Variants in SCN11A observed in about 807,000 individuals in gnomAD.
SCN11A encodes sodium channel protein type 11 subunit alpha.
Under a neutral mutation model 162.2 loss-of-function variants are expected in SCN11A, and 122 were observed. The observed-to-expected ratio is 0.75, with a 90% CI of 0.65 to 0.87. SCN11A has a LOEUF of 0.87. Ranked by LOEUF, SCN11A falls within the 40% of genes least tolerant of loss-of-function variation. The pLI, the probability that SCN11A is intolerant of heterozygous loss-of-function variation, is 0.00. For synonymous variants in SCN11A, 758 were observed against 751.5 expected, an observed-to-expected ratio of 1.01 and a Z score of -0.14; for missense variants, 2,015 against 2,181.6, an observed-to-expected ratio of 0.92 and a Z score of 1.52.
intron 2 of SCN11A, among the ~76,000 whole-genome samples, chr3:39,012,400 C>A (rs2031166299): frequency 6.7e-6 from 1 of 149,724 alleles, no homozygotes; most frequent in African/African-American, 2.5e-5. Context: ...TCCTTCCTTA[C>A]TTCCTTCCTT....
intron 29 of SCN11A, 150 bp from the exon 30 acceptor site, chr3:38,847,892 C>A: frequency 1.7e-6 from 1 of 581,858 alleles, no homozygotes; most frequent in Admixed American, 3.0e-5. Flanking sequence ...TTACCACTAT[C>A]AGGGAAAATA....
At position 38,897,034 on chromosome 3, in the gene SCN11A, C is replaced by T. The variant is rs372596394; in HGVS notation, c.2214G>A (p.Pro738=). The T allele has an allele frequency of 1.3e-5, 21 of 1,613,924 alleles. No homozygotes were observed. Among genetic ancestry groups the T allele is most frequent in the African/African-American group, 1.2e-4 (9 of 74,892 alleles). ...GTAAACATGAGACTGTCGGGCCTGT[C>T]GGGTTACAGAGTTTTGGACTCTTTT... ...NSQKSPKLCN[P]TGPTVSCLRH... Residue 738 remains proline, a synonymous_variant, in exon 18 of 30, where the codon CCG becomes CCA. Transcript: ENST00000302328.
chr3:38,871,928 G>A (rs1056892290), intron 24 of SCN11A, among the ~76,000 whole-genome samples: 6 of 152,128 alleles, frequency 3.9e-5, no homozygotes, highest in African/African-American at 1.4e-4. Context: ...AAGTGCCCTG[G>A]TGATGACAGT....
At chr3:39,047,293 T>C (rs2032208616) in intron 1 of SCN11A, among the ~76,000 whole-genome samples, 1 of 151,800 alleles carries the variant, frequency 6.6e-6, no homozygotes, top group Non-Finnish European at 1.5e-5. Context: ...GCCTGTTCAA[T>C]AAATGGTGCT....
chr3:38,859,760 A>G (rs2064932788), intron 28 of SCN11A, among the ~76,000 whole-genome samples: 1 of 152,224 alleles, frequency 6.6e-6, no homozygotes, highest in South Asian at 2.1e-4. Context: ...GAAGGAATTC[A>G]GTTCATGGCT....
At chr3:39,017,760 G>T (rs983468344) in intron 2 of SCN11A, among the ~76,000 whole-genome samples, 1 of 151,916 alleles carries the variant, frequency 6.6e-6, no homozygotes, top group African/African-American at 2.4e-5. Context: ...GTGAACATAT[G>T]CATATAGTTA....
chr3:38,859,395 A>G (rs1343411342), intron 28 of SCN11A, among the ~76,000 whole-genome samples: 1 of 152,118 alleles, frequency 6.6e-6, no homozygotes, highest in African/African-American at 2.4e-5. Flanking sequence ...AAACACATAC[A>G]TGCACAAATT....
At position 38,888,306 on chromosome 3, in the gene SCN11A, C is replaced by A. The variant is rs528454696; in HGVS notation, c.2836-2068G>T. Among the ~76,000 whole-genome samples the A allele has an allele frequency of 2.6e-5, 4 of 152,308 alleles. No individual in the cohort carries two copies. The South Asian group carries it at 8.3e-4, about 32-fold the overall frequency. On this transcript the variant is annotated intron_variant, in intron 19 of 29. Coordinates refer to ENST00000302328, the MANE Select transcript of SCN11A (RefSeq NM_001349253.2). ...GACTTGTATCATTATTAGACAACAA[C>A]CCAAAGCTGGTGATAGAAGACATGG...
At chr3:38,872,712 G>A (rs2065149490) in intron 23 of SCN11A, among the ~76,000 whole-genome samples, 1 of 152,110 alleles carries the variant, frequency 6.6e-6, no homozygotes, top group Non-Finnish European at 1.5e-5. Context: ...TCACTGTATT[G>A]TAATCATGTG....
chr3:38,981,902 A>G (rs2030072057), intron 2 of SCN11A, among the ~76,000 whole-genome samples: 1 of 151,712 alleles, frequency 6.6e-6, no homozygotes, highest in Non-Finnish European at 1.5e-5. Flanking sequence ...TACTCAGGAG[A>G]CTGAGACATG....
At chr3:38,978,540 G>T (rs1400282720) in intron 2 of SCN11A, among the ~76,000 whole-genome samples, 1 of 152,050 alleles carries the variant, frequency 6.6e-6, no homozygotes, top group Non-Finnish European at 1.5e-5. Flanking sequence ...CAGCTACTCG[G>T]GAGGCTGAGG....
chr3:38,994,772 C>A (rs1284253623), intron 2 of SCN11A, among the ~76,000 whole-genome samples: 1 of 152,108 alleles, frequency 6.6e-6, no homozygotes, highest in East Asian at 1.9e-4. Flanking sequence ...ACTTGGCCCA[C>A]AAGATCCACC....
chr3:38,924,704 T>C (rs1481482340), intron 9 of SCN11A, among the ~76,000 whole-genome samples: 2 of 151,984 alleles, frequency 1.3e-5, no homozygotes, highest in African/African-American at 4.8e-5. Context: ...AGACGAGGCT[T>C]TTCCATATTG....
At position 38,904,054 on chromosome 3, in the gene SCN11A, T is replaced by G. The variant is rs746141724; in HGVS notation, c.1653A>C (p.Ala551=). ...AACAGTTCCACACGAGGTACTTGGA[T>G]GCCAGGTTTTCTCCACAAGGGAGAC... ...EPCLPCGENL[A]SKYLVWNCCP... is the part of the protein sequence containing the mutation. Residue 551 remains alanine (A), a synonymous_variant, in exon 16 of 30, where the codon GCA becomes GCC. Coordinates refer to ENST00000302328, the MANE Select transcript of SCN11A (RefSeq NM_001349253.2). The G allele has an allele frequency of 6.2e-7, 1 of 1,601,846 alleles. No individual in the cohort carries two copies. Among genetic ancestry groups the G allele is most frequent in the East Asian group, 2.2e-5 (1 of 44,680 alleles).
chr3:38,899,182 T>C (rs2065654870), intron 17 of SCN11A, among the ~76,000 whole-genome samples: 2 of 152,180 alleles, frequency 1.3e-5, no homozygotes, highest in South Asian at 4.1e-4. Flanking sequence ...CTTCTCAGAT[T>C]GGATTTCTCT....
chr3:39,047,719 C>G (rs1382673687), intron 1 of SCN11A, among the ~76,000 whole-genome samples: 1 of 151,882 alleles, frequency 6.6e-6, no homozygotes, highest in African/African-American at 2.4e-5. Flanking sequence ...GGCAAATGAT[C>G]TGAATACACA....
chr3:39,016,568 T>A (rs1201312949), intron 2 of SCN11A, among the ~76,000 whole-genome samples: 2 of 152,146 alleles, frequency 1.3e-5, no homozygotes, highest in African/African-American at 4.8e-5. Flanking sequence ...AACATATTTA[T>A]TTTGCCTTCA....
chr3:38,952,355 A>G (rs2066633238), intron 4 of SCN11A, among the ~76,000 whole-genome samples: 1 of 152,156 alleles, frequency 6.6e-6, no homozygotes, highest in Admixed American at 6.6e-5. Context: ...TTGAATGCCT[A>G]TTTCCCCATG....
chr3:38,910,171 TTTGGTGTGCTTACATTCATA>T lies in SCN11A; in HGVS notation c.976_995del (p.Tyr326AsnfsTer2). 6.2e-7 allele frequency: 1 copy of T among 1,613,628 alleles called. No homozygotes were observed. Among genetic ancestry groups the T allele is most frequent in the Non-Finnish European group, 8.5e-7 (1 of 1,179,680 alleles). ...TCGTATAATTATAGTCAGGATTAATTTTGGTGTGCTTACATTCATATTGTATGGAACAGGCACTAGATATT... is the reference window on the plus strand; with the variant it reads ...TCGTATAATTATAGTCAGGATTAATTTTGTATGGAACAGGCACTAGATATT... On this transcript the variant is annotated frameshift_variant, in exon 12 of 30. Transcript: ENST00000302328. LOFTEE classifies it high-confidence loss of function.
Sources: allele counts gnomAD v4.1 joint callset (sites outside exome capture counted in the v4.1 genomes callset), GRCh38; gene constraint gnomAD v4.1.1; transcripts MANE v1.5; gene names NCBI Gene and HGNC (gene_info 2026-07-23, HGNC 2026-07-21).